Variants in NUBPL observed in about 807,000 individuals in gnomAD.
NUBPL encodes iron-sulfur cluster transfer protein NUBPL.
In NUBPL, 31 loss-of-function variants were observed where a neutral mutation model predicts 45.7. The observed-to-expected ratio is 0.68, with a 90% CI of 0.51 to 0.92. NUBPL has a LOEUF of 0.92. Among genes scored for constraint, NUBPL ranks in the 40% least tolerant of loss-of-function variants. NUBPL has a pLI of 0.00. For synonymous variants in NUBPL, 144 were observed against 140.9 expected (o/e 1.02, Z -0.15); for missense variants, 401 against 398.7 (o/e 1.01, Z -0.05).
intron 6 of NUBPL, among the ~76,000 whole-genome samples, chr14:31,781,556 A>C (rs1035894266): frequency 6.6e-6 from 1 of 152,262 alleles, no homozygotes; most frequent in African/African-American, 2.4e-5. Context: ...TATTAAAGAA[A>C]CAGACTTCAG....
At chr14:31,667,035 GT>G (rs2036448843) in intron 4 of NUBPL, among the ~76,000 whole-genome samples, 1 of 151,944 alleles carries the variant, frequency 6.6e-6, no homozygotes, top group Non-Finnish European at 1.5e-5. Flanking sequence ...GTGTCTTGGG[GT>G]TACTCTTCTC....
At chr14:31,699,393 G>C (rs12895480) in intron 6 of NUBPL, among the ~76,000 whole-genome samples, 44,800 of 151,998 alleles carry the variant, frequency 0.29, 7,484 homozygotes, top group South Asian at 0.41. Flanking sequence ...TATCTGCTAA[G>C]ACTTATACTG....
intron 4 of NUBPL, among the ~76,000 whole-genome samples, chr14:31,638,497 C>G (rs912318594): frequency 3.3e-5 from 5 of 151,768 alleles, no homozygotes; most frequent in Admixed American, 6.6e-5. Flanking sequence ...GGTAACCCGA[C>G]CTTTCTCTCT....
intron 6 of NUBPL, among the ~76,000 whole-genome samples, chr14:31,729,287 CCA>C (rs1491266851): frequency 6.9e-5 from 10 of 145,900 alleles, no homozygotes; most frequent in Admixed American, 2.0e-4. Context: ...CCCCCCCCCC[CCA>C]AAAAAAAAGT....
chr14:31,609,761 C>T (rs562368609), intron 4 of NUBPL, among the ~76,000 whole-genome samples: 1 of 151,978 alleles, frequency 6.6e-6, no homozygotes, highest in East Asian at 1.9e-4. Context: ...AAATCCATAA[C>T]AAGAATTTTG....
intron 4 of NUBPL, among the ~76,000 whole-genome samples, chr14:31,620,508 T>A (rs1011813683): frequency 5.9e-5 from 9 of 152,322 alleles, no homozygotes; most frequent in African/African-American, 1.7e-4. Flanking sequence ...TCCTTTCTGT[T>A]TGTTACTTTA....
At chr14:31,764,034 T>C (rs2038866597) in intron 6 of NUBPL, among the ~76,000 whole-genome samples, 1 of 152,084 alleles carries the variant, frequency 6.6e-6, no homozygotes, top group African/African-American at 2.4e-5. Context: ...AAACCATAGA[T>C]GATTGAGTTA....
At chr14:31,564,308 C>G (rs1329235410) in intron 2 of NUBPL, among the ~76,000 whole-genome samples, 1 of 152,104 alleles carries the variant, frequency 6.6e-6, no homozygotes, top group African/African-American at 2.4e-5. Flanking sequence ...TTTCCCTTCC[C>G]TCTGTGCACA....
intron 6 of NUBPL, among the ~76,000 whole-genome samples, chr14:31,712,006 A>G (rs1308656457): frequency 1.3e-5 from 2 of 152,168 alleles, no homozygotes; most frequent in African/African-American, 4.8e-5. Context: ...TGCAGACCCA[A>G]AGAATGAGCA....
intron 6 of NUBPL, among the ~76,000 whole-genome samples, chr14:31,764,181 C>A (rs573714095): frequency 6.6e-5 from 10 of 152,244 alleles, no homozygotes; most frequent in African/African-American, 2.4e-4. Flanking sequence ...GAGACAGGGA[C>A]AGATGAGAGA....
intron 6 of NUBPL, among the ~76,000 whole-genome samples, chr14:31,705,200 T>C (rs535271147): frequency 6.6e-6 from 1 of 152,290 alleles, no homozygotes; most frequent in Non-Finnish European, 1.5e-5. Context: ...TCCTGGTGGG[T>C]TCATGGTCTC....
At chr14:31,628,494 AG>A (rs1262429759) in intron 4 of NUBPL, among the ~76,000 whole-genome samples, 1 of 152,220 alleles carries the variant, frequency 6.6e-6, no homozygotes, top group African/African-American at 2.4e-5. Context: ...AGGCAGTTAA[AG>A]GTTTTCTAAA....
chr14:31,841,920 T>TTGTTTTTTTTTTTG (rs1232748747), intron 8 of NUBPL, among the ~76,000 whole-genome samples: 1 of 81,024 alleles, frequency 1.2e-5, no homozygotes, highest in Non-Finnish European at 2.7e-5. Context: ...TTCTGGGCTT[T>TTGTTTTTTTTTTTG]TTTTTTTTTT....
chr14:31,724,888 A>G (rs2037886757), intron 6 of NUBPL, among the ~76,000 whole-genome samples: 1 of 152,156 alleles, frequency 6.6e-6, no homozygotes, highest in African/African-American at 2.4e-5. Flanking sequence ...TTATCTGAGA[A>G]GGTGACATTT....
At chr14:31,569,623 G>C (rs2033527876) in intron 3 of NUBPL, among the ~76,000 whole-genome samples, 1 of 152,170 alleles carries the variant, frequency 6.6e-6, no homozygotes, top group South Asian at 2.1e-4. Flanking sequence ...GGGATCATGT[G>C]TACTATGCAT....
chr14:31,690,194 G>A (rs753481663), intron 6 of NUBPL, among the ~76,000 whole-genome samples: 10 of 152,126 alleles, frequency 6.6e-5, no homozygotes, highest in Non-Finnish European at 1.5e-4. Flanking sequence ...TTGTGCCAGT[G>A]CAGTTAGGTT....
intron 4 of NUBPL, among the ~76,000 whole-genome samples, chr14:31,651,596 TAACTG>T (rs1196432909): frequency 6.6e-6 from 1 of 152,048 alleles, no homozygotes; most frequent in African/African-American, 2.4e-5. Flanking sequence ...AGAAAACAAA[TAACTG>T]TATTGAAAAA....
At chr14:31,734,671 A>G (rs1008637782) in intron 6 of NUBPL, among the ~76,000 whole-genome samples, 2 of 152,126 alleles carry the variant, frequency 1.3e-5, no homozygotes, top group Non-Finnish European at 2.9e-5. Flanking sequence ...AATTTTTTGA[A>G]TTATAAATAT....
In NUBPL at chr14:31,804,561, T is replaced by TTTC. The variant is rs577221945; in HGVS notation, c.607+16689_607+16690insTCT. Among the ~76,000 whole-genome samples, 79 of 152,058 alleles carry TTTC rather than the reference T, an allele frequency of 5.2e-4. 2 individuals are homozygous for TTTC. In the South Asian group the frequency reaches 0.015, roughly 30 times the overall value. Reference sequence around the variant, plus strand: ...GAGATAGTTCATTCAGTTTTGTCGTTTAAGAATTCTGGTGCAAAAACAGGC... The same window carrying TTTC: ...GAGATAGTTCATTCAGTTTTGTCGTTTTCTAAGAATTCTGGTGCAAAAACAGGC... On this transcript the variant is annotated intron_variant, in intron 7 of 10. Coordinates refer to ENST00000281081, the MANE Select transcript of NUBPL (RefSeq NM_025152.3).
Sources: allele counts gnomAD v4.1 joint callset (sites outside exome capture counted in the v4.1 genomes callset), GRCh38; gene constraint gnomAD v4.1.1; transcripts MANE v1.5; gene names NCBI Gene and HGNC (gene_info 2026-07-23, HGNC 2026-07-21).